ALK: variants seen among roughly 807,000 people sequenced by gnomAD.
ALK encodes ALK tyrosine kinase receptor.
In ALK, 74 loss-of-function variants were observed where a neutral mutation model predicts 163.1. The observed-to-expected ratio is 0.45, with a 90% CI of 0.38 to 0.55. ALK has a LOEUF of 0.55. Among genes scored for constraint, ALK ranks in the 20% least tolerant of loss-of-function variants. The probability of loss-of-function intolerance (pLI) is 0.00; values close to 1 mark genes in which losing one functional copy is unlikely to be tolerated. For synonymous variants in ALK, 960 were observed against 843.2 expected, an observed-to-expected ratio of 1.14 and a Z score of -2.40; for missense variants, 2,063 against 2,105.3, an observed-to-expected ratio of 0.98 and a Z score of 0.39.
intron 3 of ALK, among the ~76,000 whole-genome samples, chr2:29,565,652 C>T (rs79387221): frequency 8.9e-4 from 135 of 152,304 alleles, no homozygotes; most frequent in African/African-American, 3.2e-3. Context: ...CCAGCCACCA[C>T]GTTGCCCTGG....
At chr2:29,572,153 C>T (rs1455831036) in intron 3 of ALK, among the ~76,000 whole-genome samples, 1 of 152,186 alleles carries the variant, frequency 6.6e-6, no homozygotes, top group Non-Finnish European at 1.5e-5. Flanking sequence ...GTATCATTTC[C>T]AAATTGTGGC....
At chr2:29,894,535 AG>A (rs1017357985) in intron 1 of ALK, among the ~76,000 whole-genome samples, 1 of 152,088 alleles carries the variant, frequency 6.6e-6, no homozygotes, top group Non-Finnish European at 1.5e-5. Context: ...TAACCTGGGG[AG>A]GGGGAGCAGG....
intron 3 of ALK, among the ~76,000 whole-genome samples, chr2:29,639,965 G>A (rs1676653177): frequency 6.6e-6 from 1 of 152,198 alleles, no homozygotes; most frequent in Admixed American, 6.5e-5. Flanking sequence ...GCTGGGTCTT[G>A]ACGTTCAACT....
At chr2:29,583,134 C>T (rs957291662) in intron 3 of ALK, among the ~76,000 whole-genome samples, 1 of 151,514 alleles carries the variant, frequency 6.6e-6, no homozygotes, top group East Asian at 2.0e-4. Context: ...CTGCCTCAGC[C>T]TCCCAGAGTG....
chr2:29,217,862 CCTA>C (rs1319163314), intron 23 of ALK, among the ~76,000 whole-genome samples: 2 of 133,896 alleles, frequency 1.5e-5, no homozygotes, highest in Non-Finnish European at 3.2e-5. Flanking sequence ...CACACCTCCG[CCTA>C]CTTTCTCTTC....
intron 1 of ALK, among the ~76,000 whole-genome samples, chr2:29,829,313 A>AC: frequency 2.5e-5 from 1 of 39,484 alleles, no homozygotes; most frequent in Admixed American, 4.3e-4. Flanking sequence ...AAAGTATAAT[A>AC]AAAAAAAAAA....
At chr2:29,201,947 ATT>A (rs532564561) in intron 26 of ALK, among the ~76,000 whole-genome samples, 17 of 151,720 alleles carry the variant, frequency 1.1e-4, no homozygotes, top group Non-Finnish European at 2.5e-4. Flanking sequence ...TGGCAGAGAG[ATT>A]TTTTTTATAA....
chr2:29,507,381 A>C (rs765459769), intron 4 of ALK, among the ~76,000 whole-genome samples: 2 of 152,124 alleles, frequency 1.3e-5, no homozygotes, highest in Admixed American at 6.6e-5. Flanking sequence ...GGTAGGGGGA[A>C]GTGGGGAACT....
chr2:29,254,778 A>C (rs1219260656), intron 11 of ALK, among the ~76,000 whole-genome samples: 1 of 152,228 alleles, frequency 6.6e-6, no homozygotes, highest in African/African-American at 2.4e-5. Flanking sequence ...GTAACTTTGC[A>C]TTCAAGTTTT....
chr2:29,590,933 T>G (rs1219334007), intron 3 of ALK, among the ~76,000 whole-genome samples: 2 of 151,336 alleles, frequency 1.3e-5, no homozygotes, highest in African/African-American at 2.4e-5. Flanking sequence ...TAGCCGGGCG[T>G]GTTGGCGGGC....
In ALK at chr2:29,232,421, T is replaced by A; in HGVS notation, c.2515A>T (p.Ile839Phe). The change falls in exon 15 of 29, where the codon ATC (isoleucine) becomes TTC (phenylalanine). Residue 839 changes from isoleucine (I) to phenylalanine (F), a missense_variant. Physicochemically the swap from Ile to Phe is conservative, Grantham distance 21 (BLOSUM62 0). Transcript: ENST00000389048. The part of the protein sequence containing the change: ...KMKDGVPVPL[I>F]IAAGGGGRAY... Reference sequence around the variant, plus strand: ...CTGCCACCACCTCCGGCTGCAATGATCAGGGGCACCGGCACTCCATCCTTC... The same window carrying A: ...CTGCCACCACCTCCGGCTGCAATGAACAGGGGCACCGGCACTCCATCCTTC... 6.2e-7 allele frequency: 1 copy of A among 1,614,272 alleles called. No homozygotes were observed. Among genetic ancestry groups the A allele is most frequent in the Non-Finnish European group, 8.5e-7 (1 of 1,180,048 alleles).
intron 15 of ALK, among the ~76,000 whole-genome samples, chr2:29,230,182 A>T (rs1664155555): frequency 1.3e-5 from 2 of 151,930 alleles, no homozygotes; most frequent in Non-Finnish European, 1.5e-5. Flanking sequence ...CTATAAAAAA[A>T]TCATCTCTAG....
chr2:29,373,970 C>G (rs1457304993), intron 5 of ALK, among the ~76,000 whole-genome samples: 1 of 152,228 alleles, frequency 6.6e-6, no homozygotes, highest in Non-Finnish European at 1.5e-5. Context: ...AAGCAGCTGC[C>G]TTTGCAATCA....
At chr2:29,594,905 G>A (rs930443796) in intron 3 of ALK, among the ~76,000 whole-genome samples, 7 of 96,566 alleles carry the variant, frequency 7.2e-5, no homozygotes, top group African/African-American at 2.8e-4. Context: ...GGGGGGTGGG[G>A]GGCGGGGGGC....
chr2:29,650,686 G>C (rs549918487), intron 3 of ALK, among the ~76,000 whole-genome samples: 2 of 152,216 alleles, frequency 1.3e-5, no homozygotes, highest in African/African-American at 2.4e-5. Context: ...GTTTCATCCA[G>C]TGACAGTAAC....
intron 3 of ALK, among the ~76,000 whole-genome samples, chr2:29,543,332 G>A (rs565564316): frequency 6.6e-6 from 1 of 152,314 alleles, no homozygotes; most frequent in Non-Finnish European, 1.5e-5. Context: ...TTAAACAGGA[G>A]AGACTAGGGA....
chr2:29,808,555 G>A (rs1664675054), intron 1 of ALK, among the ~76,000 whole-genome samples: 1 of 152,152 alleles, frequency 6.6e-6, no homozygotes, highest in Non-Finnish European at 1.5e-5. Flanking sequence ...AGAGTGAGCT[G>A]AGACCCAGGA....
chr2:29,431,945 G>A lies in ALK; in HGVS notation c.1155-48086C>T, dbSNP rs545176828. On this transcript the variant is annotated intron_variant, in intron 4 of 28. Coordinates refer to ENST00000389048, the MANE Select transcript of ALK (RefSeq NM_004304.5). The stretch of plus-strand genomic sequence containing the variant: ...ATCCTGTCCCGTCCCGTCCCGTCCA[G>A]TCCCGTCCCATCCCATCCCATCCCA... Among the ~76,000 whole-genome samples, 383 of 152,016 alleles carry A rather than the reference G, an allele frequency of 2.5e-3. 2 individuals carry two copies. Among genetic ancestry groups the A allele is most frequent in the African/African-American group, 8.8e-3 (363 of 41,458 alleles).
chr2:29,741,010 ATAAAG>A (rs1680044322), intron 1 of ALK, among the ~76,000 whole-genome samples: 1 of 152,236 alleles, frequency 6.6e-6, no homozygotes, highest in Non-Finnish European at 1.5e-5. Context: ...TCAGAAAAAA[ATAAAG>A]TAAAATAAAA....
Sources: allele counts gnomAD v4.1 joint callset (sites outside exome capture counted in the v4.1 genomes callset), GRCh38; gene constraint gnomAD v4.1.1; transcripts MANE v1.5; gene names NCBI Gene and HGNC (gene_info 2026-07-23, HGNC 2026-07-21).